The following PRKAA1 variants were observed in gnomAD, a reference collection of about 807,000 sequenced individuals.
The protein encoded by PRKAA1 is 5'-AMP-activated protein kinase catalytic subunit alpha-1.
In PRKAA1, 23 loss-of-function variants were observed where a neutral mutation model predicts 56.9. That is an observed-to-expected ratio of 0.40 (90% CI 0.29 to 0.57). The LOEUF is 0.57. Among genes scored for constraint, PRKAA1 ranks in the 20% least tolerant of loss-of-function variants. PRKAA1 has a pLI of 0.39. For synonymous variants in PRKAA1, 226 were observed against 227.0 expected, an observed-to-expected ratio of 1.00 and a Z score of 0.04; for missense variants, 413 against 679.7, an observed-to-expected ratio of 0.61 and a Z score of 4.36.
Position 40,764,125 on chromosome 5 carries a change from A to G in PRKAA1, c.1435+389T>C, listed in dbSNP as rs144579467. 610 of 157,802 alleles carry G rather than the reference A, an allele frequency of 3.9e-3. 7 individuals are homozygous for G. The highest frequency in any genetic ancestry group is 0.014 in the African/African-American group (573 of 41,610). The allele number at this position is 157,802 out of a possible 1,614,324, so 9.8% of individuals were successfully genotyped here. A position where few individuals can be genotyped will look rare whatever the true frequency, so the allele number is the denominator to read the frequency against. ...TTGAATTGGCCAATGAAGAATTGCC[A>G]TAACTTCATTCTTAACTGAAAACTT... On this transcript the variant is annotated intron_variant, in intron 8 of 8. Transcript: ENST00000397128.
chr5:40,769,252 T>G (rs1306105899), intron 5 of PRKAA1, among the ~76,000 whole-genome samples, 164 bp downstream of exon 5: 1 of 152,216 alleles, frequency 6.6e-6, no homozygotes, highest in Non-Finnish European at 1.5e-5. Flanking sequence ...TAATATAATG[T>G]TGACTTGTAG....
At chr5:40,763,938 T>C (rs184974843) in intron 8 of PRKAA1, among the ~76,000 whole-genome samples, 4 of 152,208 alleles carry the variant, frequency 2.6e-5, no homozygotes, top group Admixed American at 1.3e-4. Context: ...ATACTATATA[T>C]ATATATTTTA....
chr5:40,767,808 G>A lies in PRKAA1; in HGVS notation c.597-118C>T, dbSNP rs1370307341. Reference sequence around the variant, plus strand: ...TCTTAAGCAGAATATGGTTTTTATAGCCACTACTACATGTTACAACGTTAA... The same window carrying A: ...TCTTAAGCAGAATATGGTTTTTATAACCACTACTACATGTTACAACGTTAA... On this transcript the variant is annotated intron_variant, in intron 5 of 8. Transcript: ENST00000397128. 4 of 815,732 alleles carry A rather than the reference G, an allele frequency of 4.9e-6. No individual in the cohort carries two copies. The African/African-American group carries it at 7.0e-5, about 14-fold the overall frequency. 50.5% of individuals were successfully genotyped at this position (815,732 alleles called of 1,614,324 possible).
At chr5:40,778,543 G>A (rs1183907118) in intron 1 of PRKAA1, among the ~76,000 whole-genome samples, 2 of 151,814 alleles carry the variant, frequency 1.3e-5, no homozygotes, top group Non-Finnish European at 2.9e-5. Flanking sequence ...CATACACACA[G>A]ACTAAAATTT....
At position 40,762,869 on chromosome 5, in the gene PRKAA1, G is replaced by T; in HGVS notation, c.1589C>A (p.Ser530Tyr). Residue 530 changes from serine (S) to tyrosine (Y), a missense_variant, in exon 9 of 9, where the codon TCT becomes TAT. Ser to Tyr is a moderately radical substitution (Grantham distance 144, BLOSUM62 -2). Around this residue, in one of 9 missense-constraint regions of PRKAA1, gnomAD observed 139 missense variants for 171.5 expected, o/e 0.81. Coordinates refer to ENST00000397128, the MANE Select transcript of PRKAA1 (RefSeq NM_006251.6). Reference protein sequence around the residue: ...SLTSSVTSLDSSPVDLTPRPG... With the variant: ...SLTSSVTSLDYSPVDLTPRPG... ...TCTTGGAGTTAGGTCAACAGGAGAA[G>T]AGTCAAGTGAGGTCACAGATGAGGT... 6.2e-7 allele frequency: 1 copy of T among 1,614,194 alleles called. No homozygotes were observed. The highest frequency in any genetic ancestry group is 8.5e-7 in the Non-Finnish European group (1 of 1,180,034).
At chr5:40,778,491 T>C (rs185880667) in intron 1 of PRKAA1, among the ~76,000 whole-genome samples, 2 of 152,262 alleles carry the variant, frequency 1.3e-5, no homozygotes, top group Non-Finnish European at 2.9e-5. Context: ...GTATACCTTT[T>C]CGTATTTTTA....
chr5:40,764,983 A>G lies in PRKAA1; in HGVS notation c.1077T>C (p.Asp359=). 6.2e-7 allele frequency: 1 copy of G among 1,614,208 alleles called. No individual in the cohort carries two copies. ...TCAGGTGATGATCATCAAGAAAAGA[A>G]TCAGGTGGGCTTGTCGCCAAATAGA... is the stretch of plus-strand genomic sequence containing the variant. ...KDFYLATSPP[D]SFLDDHHLTR... is the part of the protein sequence containing the mutation. Residue 359 remains aspartate (D), a synonymous_variant, in exon 7 of 9, where the codon GAT becomes GAC. Coordinates refer to ENST00000397128, the MANE Select transcript of PRKAA1 (RefSeq NM_006251.6).
chr5:40,775,073 T>C, intron 3 of PRKAA1: 2 of 916,976 alleles, frequency 2.2e-6, no homozygotes, highest in East Asian at 2.5e-5. Flanking sequence ...ATTAATTACA[T>C]TAAGATACAT....
chr5:40,788,587 T>C (rs770491477), intron 1 of PRKAA1, among the ~76,000 whole-genome samples: 1 of 152,136 alleles, frequency 6.6e-6, no homozygotes, highest in Non-Finnish European at 1.5e-5. Context: ...CCCAACACTT[T>C]GGCAGGCCGA....
At chr5:40,771,571 A>G in intron 4 of PRKAA1, 148 bp downstream of exon 4, 1 of 709,014 alleles carries the variant, frequency 1.4e-6, no homozygotes, top group Non-Finnish European at 2.2e-6. Context: ...TTCTTTTTGT[A>G]TCTTCATAGA....
chr5:40,762,680 G>A lies in PRKAA1; in HGVS notation c.*98C>T, dbSNP rs763546732. 8.7e-5 allele frequency: 127 copies of A among 1,465,674 alleles called. No individual in the cohort carries two copies. Among genetic ancestry groups the A allele is most frequent in the African/African-American group, 1.8e-4 (13 of 71,092 alleles). The allele number at this position is 1,465,674 out of a possible 1,614,324, so 90.8% of individuals were successfully genotyped here. A position where few individuals can be genotyped will look rare whatever the true frequency, so the allele number is the denominator to read the frequency against. On this transcript the variant is annotated 3_prime_UTR_variant, in exon 9 of 9. Coordinates refer to ENST00000397128, the MANE Select transcript of PRKAA1 (RefSeq NM_006251.6). ...ATTGCATTCCAAAACGCCAGCCCTC[G>A]GTTATAATTATGTATAACTTGATTA...
Position 40,798,185 on chromosome 5 carries a change from C to T in PRKAA1, c.5G>A (p.Arg2His), listed in dbSNP as rs1426382824. ...CATCTTTCTCCAGGAACTGAGTCTG[C>T]GCATGGCGCTGCGGGAGGGGGCGGA... M[R>H]RLSSWRKMAT... Residue 2 changes from arginine (R) to histidine (H), a missense_variant, in exon 1 of 9, where the codon CGC becomes CAC. Coordinates refer to ENST00000397128, the MANE Select transcript of PRKAA1 (RefSeq NM_006251.6). 3.6e-6 allele frequency: 5 copies of T among 1,382,962 alleles called. No individual in the cohort carries two copies. Among genetic ancestry groups the T allele is most frequent in the Non-Finnish European group, 4.8e-6 (5 of 1,044,034 alleles). The allele number at this position is 1,382,962 out of a possible 1,614,324, so 85.7% of individuals were successfully genotyped here.
Position 40,784,700 on chromosome 5 carries a change from T to C in PRKAA1, c.128-7114A>G, listed in dbSNP as rs536664884. ...TTACTAGTTAATATTTGCAGCATAC[T>C]CACTTTGTACCCAAACATACTGACA... On this transcript the variant is annotated intron_variant, in intron 1 of 8. Coordinates refer to ENST00000397128, the MANE Select transcript of PRKAA1 (RefSeq NM_006251.6). 2.0e-5 allele frequency among the ~76,000 whole-genome samples: 3 copies of C among 152,230 alleles called. No individual in the cohort carries two copies. The East Asian group carries it at 5.8e-4, about 29-fold the overall frequency.
intron 4 of PRKAA1, among the ~76,000 whole-genome samples, chr5:40,770,126 A>G (rs76135901): frequency 0.11 from 17,238 of 152,110 alleles, 1,324 homozygotes; most frequent in Non-Finnish European, 0.17. Context: ...AGTTATAGAT[A>G]TAGATACATA....
intron 8 of PRKAA1, among the ~76,000 whole-genome samples, chr5:40,763,841 G>A (rs1743300301): frequency 1.3e-5 from 2 of 152,254 alleles, no homozygotes; most frequent in South Asian, 2.1e-4. Context: ...TACTATGTGT[G>A]TACTATCTTT....
At chr5:40,768,266 G>T in intron 5 of PRKAA1, 1 of 268,676 alleles carries the variant, frequency 3.7e-6, no homozygotes, top group Non-Finnish European at 5.7e-6. Context: ...TTTATGTACT[G>T]CTGAACTGAT....
At chr5:40,766,930 G>A (rs1281635874) in intron 6 of PRKAA1, among the ~76,000 whole-genome samples, 1 of 152,054 alleles carries the variant, frequency 6.6e-6, no homozygotes, top group Admixed American at 6.6e-5. Context: ...AAAGTGGGAG[G>A]ATCACTTGAC....
At chr5:40,775,541 C>T (rs975561327) in intron 2 of PRKAA1, 38 bp from the exon 3 acceptor site, 1 of 1,391,138 alleles carries the variant, frequency 7.2e-7, no homozygotes, top group Non-Finnish European at 1.0e-6. Context: ...TATTAAAACA[C>T]ATATATTCAT....
chr5:40,768,842 A>C, intron 5 of PRKAA1: 1 of 1,510,482 alleles, frequency 6.6e-7, no homozygotes, highest in Non-Finnish European at 8.8e-7. Context: ...CTGTTTTCCA[A>C]ACTATTCAAA....
Sources: gnomAD v4.1 joint callset for allele counts (sites outside exome capture counted in the v4.1 genomes callset) on GRCh38, gnomAD v4.1.1 for gene constraint, gnomAD v4.1.1 regional missense constraint, MANE v1.5 for transcripts, NCBI Gene and HGNC (gene_info 2026-07-23, HGNC 2026-07-21) for gene names.